The following ERC2 variants were observed in gnomAD, a reference collection of about 807,000 sequenced individuals.
ERC2 encodes the protein ELKS/RAB6-interacting/CAST family member 2.
Under a neutral mutation model 114.8 loss-of-function variants are expected in ERC2, and 42 were observed. The ratio of observed to expected loss-of-function variants is 0.37; its 90% CI spans 0.29 to 0.47. ERC2 has a LOEUF of 0.47. ERC2 is among the 20% of genes least tolerant of loss of function. The pLI, the probability that ERC2 is intolerant of heterozygous loss-of-function variation, is 0.99. For synonymous variants in ERC2, 454 were observed against 425.5 expected (o/e 1.07, Z -0.82); for missense variants, 939 against 1,150.7 (o/e 0.82, Z 2.66).
Position 56,030,398 on chromosome 3 carries a change from A to G in ERC2, c.1642-11367T>C, listed in dbSNP as rs1329785712. Among the ~76,000 whole-genome samples, 6 of 152,200 alleles carry G rather than the reference A, an allele frequency of 3.9e-5. No homozygotes were observed. In the South Asian group the frequency reaches 1.0e-3, roughly 26 times the overall value. ...ATATTTAATTTCTTTATTTAGTTCAATTGCTGATAGTGGTATGTTGAAGTC... is the reference window on the plus strand; with the variant it reads ...ATATTTAATTTCTTTATTTAGTTCAGTTGCTGATAGTGGTATGTTGAAGTC... On this transcript the variant is annotated intron_variant, in intron 7 of 17. Coordinates refer to ENST00000288221, the MANE Select transcript of ERC2 (RefSeq NM_015576.3).
In ERC2 at chr3:55,699,234, T is replaced by C. The variant is rs562035980; in HGVS notation, c.2847+144A>G. 12 of 1,046,012 alleles carry C rather than the reference T, an allele frequency of 1.1e-5. No homozygotes were observed. In the Admixed American group the frequency reaches 2.5e-4, roughly 22 times the overall value. The allele number at this position is 1,046,012 out of a possible 1,614,324, so 64.8% of individuals were successfully genotyped here. A position where few individuals can be genotyped will look rare whatever the true frequency, so the allele number is the denominator to read the frequency against. The stretch of plus-strand genomic sequence containing the variant: ...AAAAACATTTAGATTCCTTGACTGA[T>C]GGAAATAAATACCAAAGCTATTAGT... On this transcript the variant is annotated intron_variant, in intron 16 of 17. Coordinates refer to ENST00000288221, the MANE Select transcript of ERC2 (RefSeq NM_015576.3).
intron 14 of ERC2, among the ~76,000 whole-genome samples, chr3:55,796,418 T>C (rs2070494510): frequency 6.6e-6 from 1 of 152,122 alleles, no homozygotes; most frequent in South Asian, 2.1e-4. Flanking sequence ...ATGGGCCCAT[T>C]GCCTGTTTCT....
At chr3:56,009,557 G>A (rs1156693985) in intron 9 of ERC2, among the ~76,000 whole-genome samples, 1 of 152,162 alleles carries the variant, frequency 6.6e-6, no homozygotes, top group Non-Finnish European at 1.5e-5. Flanking sequence ...CTGTGCTGTG[G>A]TACCGTCCAG....
chr3:56,067,927 C>G (rs2076555416), intron 7 of ERC2, among the ~76,000 whole-genome samples: 1 of 152,270 alleles, frequency 6.6e-6, no homozygotes, highest in East Asian at 1.9e-4. Context: ...TGATGTGCTG[C>G]TGGATTCAGT....
chr3:55,853,789 G>A (rs2061672407), intron 14 of ERC2, among the ~76,000 whole-genome samples: 1 of 152,186 alleles, frequency 6.6e-6, no homozygotes, highest in Non-Finnish European at 1.5e-5. Flanking sequence ...TATAGAATGA[G>A]TGCAGAGTTT....
At chr3:55,696,042 T>C (rs2062910920) in intron 16 of ERC2, among the ~76,000 whole-genome samples, 1 of 152,216 alleles carries the variant, frequency 6.6e-6, no homozygotes, top group Admixed American at 6.5e-5. Context: ...ACTAATGTTC[T>C]AAAAGTTACT....
At chr3:55,513,542 GA>G (rs1319572597) in intron 17 of ERC2, among the ~76,000 whole-genome samples, 2 of 152,098 alleles carry the variant, frequency 1.3e-5, no homozygotes, top group African/African-American at 4.8e-5. Context: ...TATAGAGTGG[GA>G]AGTCTCACAT....
chr3:56,234,785 C>A (rs1221953530), intron 3 of ERC2, among the ~76,000 whole-genome samples: 1 of 152,094 alleles, frequency 6.6e-6, no homozygotes, highest in African/African-American at 2.4e-5. Flanking sequence ...ATAAAGAGAC[C>A]AAACTCATCC....
At chr3:56,193,935 G>A (rs1262646010) in intron 3 of ERC2, among the ~76,000 whole-genome samples, 1 of 152,152 alleles carries the variant, frequency 6.6e-6, no homozygotes, top group East Asian at 1.9e-4. Context: ...TAACTTTTCT[G>A]GTGAGTTAGA....
intron 6 of ERC2, among the ~76,000 whole-genome samples, chr3:56,128,098 T>A (rs191484152): frequency 1.6e-3 from 238 of 151,408 alleles, no homozygotes; most frequent in African/African-American, 4.3e-3. Flanking sequence ...TTTTAAATTT[T>A]AAAAAAAAGA....
intron 17 of ERC2, among the ~76,000 whole-genome samples, chr3:55,585,681 T>C (rs559029509): frequency 2.6e-5 from 4 of 152,168 alleles, no homozygotes; most frequent in Non-Finnish European, 5.9e-5. Flanking sequence ...ATCATGTAAT[T>C]GTTATTCCCA....
rs183666381 is a variant in ERC2 at position 56,186,663 on chromosome 3, T to C, written c.1075-13143A>G. 5.6e-3 allele frequency among the ~76,000 whole-genome samples: 857 copies of C among 152,190 alleles called. 2 individuals are homozygous for C. The highest frequency in any genetic ancestry group is 8.9e-3 in the Admixed American group (136 of 15,280). On this transcript the variant is annotated intron_variant, in intron 3 of 17. Coordinates refer to ENST00000288221, the MANE Select transcript of ERC2 (RefSeq NM_015576.3). Reference sequence around the variant, plus strand: ...AGGTGATTCTCCTGCCTCAGCCTCCTGAGTAGCTGGGATTACAGGTGCCTG... The same window carrying C: ...AGGTGATTCTCCTGCCTCAGCCTCCCGAGTAGCTGGGATTACAGGTGCCTG...
At chr3:55,579,326 G>GA (rs199845954) in intron 17 of ERC2, among the ~76,000 whole-genome samples, 119 of 149,456 alleles carry the variant, frequency 8.0e-4, no homozygotes, top group African/African-American at 2.6e-3. Flanking sequence ...TTTTCAATTT[G>GA]AAAAAAAAAT....
chr3:55,542,047 A>C (rs955491736), intron 17 of ERC2, among the ~76,000 whole-genome samples: 9 of 152,200 alleles, frequency 5.9e-5, no homozygotes, highest in African/African-American at 1.7e-4. Flanking sequence ...TGACGTTTTA[A>C]ACCCATTTTA....
At chr3:56,052,396 G>A (rs11130496) in intron 7 of ERC2, among the ~76,000 whole-genome samples, 42,524 of 152,100 alleles carry the variant, frequency 0.28, 6,609 homozygotes, top group Admixed American at 0.35. Context: ...GCAAACTCCC[G>A]CCCACAGGCC....
intron 7 of ERC2, among the ~76,000 whole-genome samples, chr3:56,078,674 A>G (rs2077088011): frequency 6.6e-6 from 1 of 152,116 alleles, no homozygotes; most frequent in Admixed American, 6.6e-5. Context: ...AACCTTGGCC[A>G]ATCAAATGCT....
intron 6 of ERC2, among the ~76,000 whole-genome samples, chr3:56,114,634 T>C (rs2079131660): frequency 1.3e-5 from 2 of 152,152 alleles, no homozygotes; most frequent in South Asian, 2.1e-4. Context: ...AAGAGATGCA[T>C]AGGGCAACAC....
chr3:56,092,614 T>C (rs1345621577), intron 6 of ERC2, among the ~76,000 whole-genome samples: 1 of 152,194 alleles, frequency 6.6e-6, no homozygotes, highest in East Asian at 1.9e-4. Context: ...ACTATAGCTG[T>C]CATAATATTT....
chr3:56,136,949 C>G (rs1180754619), intron 6 of ERC2, among the ~76,000 whole-genome samples: 1 of 152,166 alleles, frequency 6.6e-6, no homozygotes, highest in Non-Finnish European at 1.5e-5. Flanking sequence ...TTTTCTACTT[C>G]AAAGCACCAA....
Sources: allele counts gnomAD v4.1 joint callset (sites outside exome capture counted in the v4.1 genomes callset), GRCh38; gene constraint gnomAD v4.1.1; transcripts MANE v1.5; gene names NCBI Gene and HGNC (gene_info 2026-07-23, HGNC 2026-07-21).